The following ZC3H18 variants were observed in gnomAD, a reference collection of about 807,000 sequenced individuals.
ZC3H18 encodes zinc finger CCCH-type containing 18, also known as zinc finger CCCH domain-containing protein 18.
Under a neutral mutation model 106.1 loss-of-function variants are expected in ZC3H18, and 8 were observed. The observed-to-expected ratio is 0.08, with a 90% confidence interval of 0.04 to 0.14. The LOEUF is 0.14. Ranked by LOEUF, ZC3H18 falls within the 10% of genes least tolerant of loss-of-function variation. The pLI is 1.00. For synonymous variants in ZC3H18, 635 were observed against 522.1 expected (o/e 1.22, Z -2.95); for missense variants, 1,318 against 1,278.4 (o/e 1.03, Z -0.47).
chr16:88,625,180 C>A, intron 12 of ZC3H18, 22 bp from the exon 13 acceptor site: 1 of 1,565,498 alleles, frequency 6.4e-7, no homozygotes, highest in East Asian at 2.4e-5. Context: ...CCCCCTGAGC[C>A]CCGCTGTTGC....
rs771590628 is a variant in ZC3H18 at position 88,628,085 on chromosome 16, C to T, written c.2435C>T (p.Ala812Val). The T allele has an allele frequency of 2.5e-6, 4 of 1,613,940 alleles. No homozygotes were observed. The highest frequency in any genetic ancestry group is 3.4e-6 in the Non-Finnish European group (4 of 1,180,010). ...PGQPQQGTFV[A>V]HKEIKLTLLN... ...CAGCCCCAGCAGGGCACATTTGTGG[C>T]CCACAAGGAGATCAAGTTGACACTG... is the stretch of plus-strand genomic sequence containing the variant. Residue 812 changes from alanine to valine, a missense_variant, in exon 15 of 18, where the codon GCC (alanine) becomes GTC (valine). Physicochemically the swap from Ala to Val is moderately conservative, Grantham distance 64. This residue lies in a region of ZC3H18 where 848 missense variants were observed against 821.7 expected (regional missense o/e 1.03). Transcript: ENST00000301011.
chr16:88,619,060 A>G (rs1487592661), intron 8 of ZC3H18, among the ~76,000 whole-genome samples: 1 of 152,152 alleles, frequency 6.6e-6, no homozygotes, highest in Non-Finnish European at 1.5e-5. Flanking sequence ...TGCTGAGAGA[A>G]GGGCACATGC....
At chr16:88,599,702 C>T (rs1426821892) in intron 5 of ZC3H18, 89 bp from the exon 6 acceptor site, 35 of 1,457,850 alleles carry the variant, frequency 2.4e-5, no homozygotes, top group South Asian at 5.4e-5. Flanking sequence ...AGGGCTGCTG[C>T]GGTCGGGTGG....
chr16:88,594,763 G>C (rs369338939), intron 3 of ZC3H18, among the ~76,000 whole-genome samples: 9 of 151,830 alleles, frequency 5.9e-5, no homozygotes, highest in African/African-American at 2.4e-5. Flanking sequence ...AGAGTGGGTG[G>C]GTATTTTTTA....
In ZC3H18 at chr16:88,624,720, C is replaced by A. The variant is rs146372021; in HGVS notation, c.2017C>A (p.Arg673=). ...GDPREARRKE[R]PARTPPRRRT... ...CCCTCGGGAAGCCAGGAGGAAGGAG[C>A]GGCCAGCCAGGACCCCCCCCAGGAG... The change falls in exon 12 of 18, where the codon CGG becomes AGG. Residue 673 remains arginine (R), a synonymous_variant. Coordinates refer to ENST00000301011, the MANE Select transcript of ZC3H18 (RefSeq NM_144604.4). 11 of 1,612,876 alleles carry A rather than the reference C, an allele frequency of 6.8e-6. No homozygotes were observed. The highest frequency in any genetic ancestry group is 5.9e-6 in the Non-Finnish European group (7 of 1,179,710).
At chr16:88,619,520 G>A (rs1165306200) in intron 8 of ZC3H18, among the ~76,000 whole-genome samples, 5 of 152,256 alleles carry the variant, frequency 3.3e-5, no homozygotes, top group Non-Finnish European at 7.4e-5. Context: ...GACCCCTGCT[G>A]GGCCTGCCTC....
intron 6 of ZC3H18, among the ~76,000 whole-genome samples, chr16:88,601,674 G>A (rs1480719670): frequency 3.3e-5 from 5 of 152,114 alleles, no homozygotes; most frequent in South Asian, 2.1e-4. Context: ...TTAAAGTCTC[G>A]GCAGTCAGGG....
chr16:88,612,411 C>T (rs1185745877), intron 8 of ZC3H18, among the ~76,000 whole-genome samples: 1 of 151,798 alleles, frequency 6.6e-6, no homozygotes, highest in African/African-American at 2.4e-5. Flanking sequence ...CACACTTGCA[C>T]CCTGCACTTT....
Position 88,631,181 on chromosome 16 carries a change from C to T in ZC3H18, c.2744C>T (p.Ala915Val). The T allele has an allele frequency of 1.9e-6, 3 of 1,613,758 alleles. No homozygotes were observed. Among genetic ancestry groups the T allele is most frequent in the Non-Finnish European group, 2.5e-6 (3 of 1,180,032 alleles). The change falls in exon 18 of 18, where the codon GCC (alanine) becomes GTC (valine). Residue 915 changes from alanine to valine, a missense_variant. Physicochemically the swap from Ala to Val is moderately conservative, Grantham distance 64. Around this residue, in one of 6 missense-constraint regions of ZC3H18, gnomAD observed 848 missense variants for 821.7 expected, o/e 1.03. Coordinates refer to ENST00000301011, the MANE Select transcript of ZC3H18 (RefSeq NM_144604.4). ...GGCAAAGCCTCGGATCCCGGCGCCG[C>T]CAGCACCAAATCAGGGAAGGCCAGC... ...VPGKASDPGA[A>V]STKSGKASTL...
rs749436900 is a variant in ZC3H18, at chr16:88,598,664, G to A, written c.882G>A (p.Glu294=). 5 of 1,613,182 alleles carry A rather than the reference G, an allele frequency of 3.1e-6. No individual in the cohort carries two copies. The African/African-American group carries it at 5.3e-5, about 17-fold the overall frequency. Residue 294 remains glutamate, a synonymous_variant, in exon 5 of 18, where the codon GAG becomes GAA. Coordinates refer to ENST00000301011, the MANE Select transcript of ZC3H18 (RefSeq NM_144604.4). The stretch of plus-strand genomic sequence containing the variant: ...AAATTTTGCCTCCACCCCCTCCAGA[G>A]CCCCCAACAGAGAGTGCCTGGGAAC... The part of the protein sequence containing the change: ...VDEILPPPPP[E]PPTESAWERG...
At chr16:88,600,051 C>A in intron 6 of ZC3H18, 103 bp downstream of exon 6, 1 of 1,390,494 alleles carries the variant, frequency 7.2e-7, no homozygotes, top group Non-Finnish European at 9.8e-7. Context: ...CGGCTGAGAC[C>A]CAGCCCCACT....
Position 88,625,182 on chromosome 16 carries a change from C to CGCTGTTGCT in ZC3H18, c.2043-19_2043-11dup. 6.4e-7 allele frequency: 1 copy of CGCTGTTGCT among 1,567,394 alleles called. No individual in the cohort carries two copies. Among genetic ancestry groups the CGCTGTTGCT allele is most frequent in the South Asian group, 1.2e-5 (1 of 85,128 alleles). On this transcript the variant is annotated intron_variant, in intron 12 of 17. Coordinates refer to ENST00000301011, the MANE Select transcript of ZC3H18 (RefSeq NM_144604.4). ...TGTGGAGGCCACGCCCCCTGAGCCCCGCTGTTGCTTGTATTACAGGCGGAC... is the reference window on the plus strand; with the variant it reads ...TGTGGAGGCCACGCCCCCTGAGCCCCGCTGTTGCTGCTGTTGCTTGTATTACAGGCGGAC...
intron 3 of ZC3H18, among the ~76,000 whole-genome samples, chr16:88,590,452 A>T (rs1915676987): frequency 6.6e-6 from 1 of 150,466 alleles, no homozygotes; most frequent in African/African-American, 2.4e-5. Flanking sequence ...TCTTCATGGG[A>T]TGTTTTTATC....
chr16:88,577,047 G>A (rs906878186), intron 1 of ZC3H18, 63 bp from the exon 2 acceptor site: 23 of 1,491,066 alleles, frequency 1.5e-5, no homozygotes, highest in Admixed American at 4.7e-5. Context: ...GGCCAGGAAA[G>A]TAGGGACAAG....
intron 8 of ZC3H18, among the ~76,000 whole-genome samples, chr16:88,615,158 C>T (rs1451937171): frequency 6.6e-6 from 1 of 150,810 alleles, no homozygotes; most frequent in Non-Finnish European, 1.5e-5. Flanking sequence ...CCACCTCCTC[C>T]ATTCCCTCTG....
At chr16:88,598,469 C>T in intron 4 of ZC3H18, 143 bp downstream of exon 4, 1 of 1,465,796 alleles carries the variant, frequency 6.8e-7, no homozygotes, top group East Asian at 2.3e-5. Context: ...TGGAAGCAGG[C>T]CTCGGCTTTC....
chr16:88,598,451 G>T (rs1022636691), intron 4 of ZC3H18, 125 bp downstream of exon 4: 11 of 1,485,840 alleles, frequency 7.4e-6, no homozygotes, highest in Middle Eastern at 2.0e-4. Context: ...TGCTTCTGTC[G>T]TCCCGAGTGG....
chr16:88,614,407 G>A (rs1203941676), intron 8 of ZC3H18, among the ~76,000 whole-genome samples: 1 of 152,218 alleles, frequency 6.6e-6, no homozygotes, highest in African/African-American at 2.4e-5. Context: ...TGTGTACAGT[G>A]GAACACAAGT....
chr16:88,623,981 C>T lies in ZC3H18; in HGVS notation c.1817C>T (p.Pro606Leu), dbSNP rs760717963. ...AGGTCCCGGTCCTTCTCTTCGTCCC[C>T]GTCCCCGTCCCCAACACCTTCCCCA... is the stretch of plus-strand genomic sequence containing the variant. ...RSRSRSFSSS[P>L]SPSPTPSPHR... Residue 606 changes from proline to leucine, a missense_variant, in exon 11 of 18, where the codon CCG becomes CTG. This residue lies in a region of ZC3H18 where 848 missense variants were observed against 821.7 expected (regional missense o/e 1.03). Coordinates refer to ENST00000301011, the MANE Select transcript of ZC3H18 (RefSeq NM_144604.4). 1.2e-6 allele frequency: 2 copies of T among 1,613,116 alleles called. No homozygotes were observed. Among genetic ancestry groups the T allele is most frequent in the South Asian group, 1.1e-5 (1 of 91,004 alleles).
Sources: allele counts gnomAD v4.1 joint callset (sites outside exome capture counted in the v4.1 genomes callset), GRCh38; gene constraint gnomAD v4.1.1; regional missense constraint gnomAD v4.1.1; transcripts MANE v1.5; gene names NCBI Gene and HGNC (gene_info 2026-07-23, HGNC 2026-07-21).